The following NAALADL2 variants were observed in gnomAD, a reference collection of about 807,000 sequenced individuals.
NAALADL2 encodes inactive N-acetylated-alpha-linked acidic dipeptidase-like protein 2.
In NAALADL2, 76 loss-of-function variants were observed where a neutral mutation model predicts 87.2. The observed-to-expected ratio is 0.87, with a 90% CI of 0.72 to 1.05. The LOEUF (loss-of-function observed/expected upper bound fraction) is 1.05, where lower values mean the gene tolerates loss of function less well. Ranked by LOEUF, NAALADL2 falls within the 50% of genes least tolerant of loss-of-function variation. NAALADL2 has a pLI of 0.00. For missense variants in NAALADL2, 1,089 were observed against 945.8 expected, an observed-to-expected ratio of 1.15 and a Z score of -1.99; for synonymous variants, 354 against 331.0, an observed-to-expected ratio of 1.07 and a Z score of -0.75.
chr3:175,399,928 A>T (rs539473710), intron 5 of NAALADL2, among the ~76,000 whole-genome samples: 1 of 152,250 alleles, frequency 6.6e-6, no homozygotes, highest in East Asian at 1.9e-4. Context: ...GTAATGCTAT[A>T]GCATAGATTC....
At chr3:174,833,987 G>A (rs1723034184) in intron 3 of NAALADL2, among the ~76,000 whole-genome samples, 1 of 150,544 alleles carries the variant, frequency 6.6e-6, no homozygotes, top group South Asian at 2.1e-4. Flanking sequence ...GCAAGATTGG[G>A]AATAGGACAA....
At chr3:175,043,927 T>C (rs1754380524) in intron 1 of NAALADL2, among the ~76,000 whole-genome samples, 1 of 152,194 alleles carries the variant, frequency 6.6e-6, no homozygotes, top group Admixed American at 6.5e-5. Flanking sequence ...CCATTGTACT[T>C]TTGACAGTGA....
At chr3:174,945,579 G>A (rs1406297462) in intron 1 of NAALADL2, among the ~76,000 whole-genome samples, 1 of 152,132 alleles carries the variant, frequency 6.6e-6, no homozygotes, top group African/African-American at 2.4e-5. Context: ...ATTCTCAAAC[G>A]TTTTGAGCAC....
rs1481650647 is a variant in NAALADL2, at chr3:175,322,783, A to G, written c.940-1392A>G. On this transcript the variant is annotated intron_variant, in intron 4 of 13. Transcript: ENST00000454872. Reference sequence around the variant, plus strand: ...CAGAGAAATGCAAATCAAAACCACTATGAGATACCATCTCACACCAGTTAG... The same window carrying G: ...CAGAGAAATGCAAATCAAAACCACTGTGAGATACCATCTCACACCAGTTAG... Among the ~76,000 whole-genome samples the G allele has an allele frequency of 2.7e-5, 4 of 148,114 alleles. 1 individual carries two copies. Among genetic ancestry groups the G allele is most frequent in the South Asian group, 2.1e-4 (1 of 4,676 alleles).
chr3:174,618,015 A>G (rs1720634455), intron 2 of NAALADL2, among the ~76,000 whole-genome samples: 1 of 151,772 alleles, frequency 6.6e-6, no homozygotes, highest in Admixed American at 6.6e-5. Flanking sequence ...GAAGGAAGAA[A>G]TTCTTTTAGA....
intron 1 of NAALADL2, among the ~76,000 whole-genome samples, chr3:174,988,416 G>A (rs1746268161): frequency 1.3e-5 from 2 of 152,138 alleles, no homozygotes; most frequent in Admixed American, 1.3e-4. Flanking sequence ...TAATATAGAT[G>A]TCATAATCCC....
intron 2 of NAALADL2, among the ~76,000 whole-genome samples, chr3:174,553,786 T>G (rs1712432395): frequency 6.6e-6 from 1 of 152,144 alleles, no homozygotes; most frequent in African/African-American, 2.4e-5. Context: ...GGAGTTAGAG[T>G]CGTTTTCCAT....
At chr3:174,978,187 C>T (rs1217146229) in intron 1 of NAALADL2, among the ~76,000 whole-genome samples, 1 of 152,208 alleles carries the variant, frequency 6.6e-6, no homozygotes, top group Non-Finnish European at 1.5e-5. Flanking sequence ...AGCACTATGC[C>T]AACCTAGGCC....
chr3:175,685,357 A>C (rs1258025678), intron 11 of NAALADL2, among the ~76,000 whole-genome samples: 1 of 152,084 alleles, frequency 6.6e-6, no homozygotes, highest in Non-Finnish European at 1.5e-5. Context: ...TAGTAAAATA[A>C]ATGAGAAATG....
intron 1 of NAALADL2, among the ~76,000 whole-genome samples, chr3:174,981,393 A>G (rs531487468): frequency 6.6e-6 from 1 of 152,276 alleles, no homozygotes; most frequent in Admixed American, 6.5e-5. Context: ...TAAAAAGTTA[A>G]TATGTGGCCA....
intron 9 of NAALADL2, among the ~76,000 whole-genome samples, chr3:175,572,424 A>G (rs1718222519): frequency 6.6e-6 from 1 of 152,018 alleles, no homozygotes; most frequent in South Asian, 2.1e-4. Flanking sequence ...AAAAAAAAAA[A>G]AAGTTTTTAT....
At chr3:175,261,852 C>T (rs1296385588) in intron 4 of NAALADL2, among the ~76,000 whole-genome samples, 1 of 151,784 alleles carries the variant, frequency 6.6e-6, no homozygotes, top group African/African-American at 2.4e-5. Context: ...TATTGTTGTC[C>T]CTTATTGGGC....
At chr3:174,741,965 C>T (rs1026021422) in intron 3 of NAALADL2, among the ~76,000 whole-genome samples, 1 of 151,582 alleles carries the variant, frequency 6.6e-6, no homozygotes, top group Non-Finnish European at 1.5e-5. Flanking sequence ...TATGCACTGC[C>T]TTCTTGTCCT....
chr3:174,958,798 A>C (rs1419033314), intron 1 of NAALADL2, among the ~76,000 whole-genome samples: 1 of 152,044 alleles, frequency 6.6e-6, no homozygotes, highest in East Asian at 1.9e-4. Flanking sequence ...AATCAGTGCG[A>C]AGTTGGAAAA....
chr3:175,391,257 T>C (rs1769029642), intron 5 of NAALADL2, among the ~76,000 whole-genome samples: 1 of 152,236 alleles, frequency 6.6e-6, no homozygotes, highest in African/African-American at 2.4e-5. Flanking sequence ...TCTTTTCTTC[T>C]ATACTAGAAG....
intron 3 of NAALADL2, among the ~76,000 whole-genome samples, chr3:174,762,955 A>G (rs1000572883): frequency 4.6e-5 from 7 of 152,196 alleles, no homozygotes; most frequent in Non-Finnish European, 1.0e-4. Context: ...ATCATTGACA[A>G]TGTAATATTT....
chr3:175,344,206 C>T (rs1240190025), intron 5 of NAALADL2, among the ~76,000 whole-genome samples: 1 of 152,078 alleles, frequency 6.6e-6, no homozygotes, highest in Non-Finnish European at 1.5e-5. Context: ...AGTTTCTTTA[C>T]CAGCTGCATA....
At chr3:175,349,550 G>A (rs1763520909) in intron 5 of NAALADL2, among the ~76,000 whole-genome samples, 3 of 152,182 alleles carry the variant, frequency 2.0e-5, no homozygotes, top group African/African-American at 7.2e-5. Context: ...CTCCTATGCG[G>A]AGTTTTCCTT....
intron 11 of NAALADL2, among the ~76,000 whole-genome samples, chr3:175,707,834 G>C (rs1739941180): frequency 1.3e-5 from 2 of 152,060 alleles, no homozygotes; most frequent in East Asian, 1.9e-4. Flanking sequence ...TAAGACATAA[G>C]GTAAGTATGA....
Sources: allele counts gnomAD v4.1 joint callset (sites outside exome capture counted in the v4.1 genomes callset), GRCh38; gene constraint gnomAD v4.1.1; transcripts MANE v1.5; gene names NCBI Gene and HGNC (gene_info 2026-07-23, HGNC 2026-07-21).